The following TMEM131 variants were observed in gnomAD, a reference collection of about 807,000 sequenced individuals.
TMEM131 encodes the protein 2610524E03Rik.
In TMEM131, 66 loss-of-function variants were observed where a neutral mutation model predicts 211.6. The observed-to-expected ratio is 0.31, with a 90% CI of 0.26 to 0.38. The LOEUF is 0.38. Ranked by LOEUF, TMEM131 falls within the 10% of genes least tolerant of loss-of-function variation. TMEM131 has a pLI of 1.00. For missense variants in TMEM131, 2,036 were observed against 2,299.3 expected (o/e 0.89, Z 2.34); for synonymous variants, 844 against 841.3 (o/e 1.00, Z -0.06).
intron 3 of TMEM131, among the ~76,000 whole-genome samples, chr2:97,898,165 T>A (rs986727705): frequency 6.6e-6 from 1 of 152,138 alleles, no homozygotes; most frequent in Non-Finnish European, 1.5e-5. Context: ...AATTGATTTC[T>A]AGTATATCCT....
At chr2:97,904,986 T>C (rs1322806003) in intron 3 of TMEM131, among the ~76,000 whole-genome samples, 1 of 152,210 alleles carries the variant, frequency 6.6e-6, no homozygotes, top group African/African-American at 2.4e-5. Context: ...ACAATCATTT[T>C]TGTTTTTAAA....
chr2:97,839,759 T>C (rs1449622114), intron 7 of TMEM131, among the ~76,000 whole-genome samples: 1 of 152,218 alleles, frequency 6.6e-6, no homozygotes, highest in African/African-American at 2.4e-5. Flanking sequence ...TTTAAATTAG[T>C]TGAAATAACA....
At chr2:97,827,068 C>CAAAAAAAAAA (rs66841026) in intron 11 of TMEM131, among the ~76,000 whole-genome samples, 1 of 93,684 alleles carries the variant, frequency 1.1e-5, no homozygotes, top group Non-Finnish European at 2.2e-5. Context: ...AAGTGATAAG[C>CAAAAAAAAAA]AAAAAAAAAA....
chr2:97,980,148 A>G (rs974344133), intron 1 of TMEM131, among the ~76,000 whole-genome samples: 3 of 152,136 alleles, frequency 2.0e-5, no homozygotes, highest in African/African-American at 7.2e-5. Context: ...CAATTACACA[A>G]TCACATCAAA....
At chr2:97,883,037 TCACAGGTGA>T (rs1427723477) in intron 4 of TMEM131, among the ~76,000 whole-genome samples, 1 of 152,118 alleles carries the variant, frequency 6.6e-6, no homozygotes, top group African/African-American at 2.4e-5. Context: ...TCTTTCTGGG[TCACAGGTGA>T]CACCTTCTAG....
intron 5 of TMEM131, among the ~76,000 whole-genome samples, chr2:97,855,494 G>GT (rs1673804427): frequency 6.6e-6 from 1 of 152,184 alleles, no homozygotes; most frequent in Non-Finnish European, 1.5e-5. Flanking sequence ...GAGGCTAGGA[G>GT]TTTGAGACCA....
intron 33 of TMEM131, among the ~76,000 whole-genome samples, chr2:97,771,156 T>A (rs1679446188): frequency 6.6e-6 from 1 of 152,196 alleles, no homozygotes; most frequent in South Asian, 2.1e-4. Flanking sequence ...TGGGCCAGAC[T>A]GCTCTCAACA....
chr2:97,759,127 C>T (rs1171940769), intron 39 of TMEM131, 74 bp from the exon 40 acceptor site: 1 of 1,567,908 alleles, frequency 6.4e-7, no homozygotes, highest in Non-Finnish European at 8.7e-7. Context: ...GGGCTTCACT[C>T]AATGGCATAC....
intron 31 of TMEM131, among the ~76,000 whole-genome samples, chr2:97,783,853 C>G (rs936509551): frequency 1.3e-5 from 2 of 151,472 alleles, no homozygotes; most frequent in African/African-American, 4.9e-5. Flanking sequence ...TATATGCTGT[C>G]TATAAGAAAC....
chr2:97,757,139 G>A lies in TMEM131; in HGVS notation c.5612C>T (p.Ser1871Leu), dbSNP rs779209395. The A allele has an allele frequency of 1.2e-5, 19 of 1,612,242 alleles. No homozygotes were observed. The highest frequency in any genetic ancestry group is 7.7e-5 in the South Asian group (7 of 90,970). ...IWSPTIGRRS[S>L]DPWSNSHFPH... The stretch of plus-strand genomic sequence containing the variant: ...AAAGTGCGAATTAGACCAAGGGTCC[G>A]AGCTTCTTCTTCCAATCGTGGGGCT... The change falls in exon 41 of 41, where the codon TCG becomes TTG. Residue 1871 changes from serine (S) to leucine (L), a missense_variant. Around this residue, in one of 3 missense-constraint regions of TMEM131, gnomAD observed 1,623 missense variants for 1,805.9 expected, o/e 0.90. Coordinates refer to ENST00000186436, the MANE Select transcript of TMEM131 (RefSeq NM_015348.2).
intron 31 of TMEM131, among the ~76,000 whole-genome samples, chr2:97,790,069 CA>C (rs1290882349): frequency 2.6e-5 from 4 of 151,866 alleles, no homozygotes; most frequent in Non-Finnish European, 1.5e-5. Flanking sequence ...TATGAGATAC[CA>C]GGGGGAGAAA....
chr2:97,866,880 T>C (rs1404980267), intron 4 of TMEM131, among the ~76,000 whole-genome samples: 1 of 152,218 alleles, frequency 6.6e-6, no homozygotes, highest in Non-Finnish European at 1.5e-5. Flanking sequence ...CCATGAGTGT[T>C]TTGAATTTCA....
chr2:97,913,847 C>T (rs138433144), intron 2 of TMEM131, among the ~76,000 whole-genome samples: 505 of 152,198 alleles, frequency 3.3e-3, no homozygotes, highest in Non-Finnish European at 5.8e-3. Context: ...CCACACCAGG[C>T]GCCATTTGAG....
chr2:97,902,442 T>C (rs1675894875), intron 3 of TMEM131, among the ~76,000 whole-genome samples: 1 of 152,194 alleles, frequency 6.6e-6, no homozygotes, highest in Non-Finnish European at 1.5e-5. Flanking sequence ...AGAAACAGAA[T>C]AGACAGAACA....
chr2:97,930,031 C>T (rs1677153157), intron 1 of TMEM131, among the ~76,000 whole-genome samples: 1 of 151,686 alleles, frequency 6.6e-6, no homozygotes, highest in Non-Finnish European at 1.5e-5. Flanking sequence ...CTCACCTGTT[C>T]CCCCCACTTT....
At chr2:97,880,918 G>A (rs1220578012) in intron 4 of TMEM131, among the ~76,000 whole-genome samples, 1 of 152,188 alleles carries the variant, frequency 6.6e-6, no homozygotes, top group African/African-American at 2.4e-5. Flanking sequence ...TGGTTCACAA[G>A]GGTATAGGCA....
chr2:97,849,705 A>C (rs372734287), intron 5 of TMEM131, among the ~76,000 whole-genome samples: 31 of 142,598 alleles, frequency 2.2e-4, no homozygotes, highest in African/African-American at 5.7e-4. Flanking sequence ...GTGTGTGTAT[A>C]TCTCTCTCTC....
chr2:97,817,286 G>A (rs1156633792), intron 12 of TMEM131, among the ~76,000 whole-genome samples: 1 of 152,092 alleles, frequency 6.6e-6, no homozygotes, highest in Non-Finnish European at 1.5e-5. Context: ...TGAAGGGTGG[G>A]TCCTAAATGC....
At chr2:97,888,170 T>C in intron 3 of TMEM131, 50 bp from the exon 4 acceptor site, 1 of 1,508,528 alleles carries the variant, frequency 6.6e-7, no homozygotes, top group Non-Finnish European at 9.1e-7. Context: ...AAAATATATG[T>C]TTCCCCAAAC....
Sources: gnomAD v4.1 joint callset for allele counts (sites outside exome capture counted in the v4.1 genomes callset) on GRCh38, gnomAD v4.1.1 for gene constraint, gnomAD v4.1.1 regional missense constraint, MANE v1.5 for transcripts, NCBI Gene and HGNC (gene_info 2026-07-23, HGNC 2026-07-21) for gene names.